SMARCA1: variants seen among roughly 807,000 people sequenced by gnomAD.
SMARCA1 encodes the protein SWI/SNF-related matrix-associated actin-dependent regulator of chromatin subfamily A member 1.
SMARCA1 carries 17 observed loss-of-function variants against 93.6 expected under a neutral mutation model. The ratio of observed to expected loss-of-function variants is 0.18; its 90% CI spans 0.12 to 0.27. SMARCA1 has a LOEUF of 0.27. SMARCA1 is among the 10% of genes least tolerant of loss of function. The pLI, the probability that SMARCA1 is intolerant of heterozygous loss-of-function variation, is 1.00. For missense variants in SMARCA1, 630 were observed against 819.0 expected, an observed-to-expected ratio of 0.77 and a Z score of 2.82; for synonymous variants, 271 against 271.4, an observed-to-expected ratio of 1.00 and a Z score of 0.01.
intron 19 of SMARCA1, 33 bp downstream of exon 19, chrX:129,480,663 GATTAT>G (rs759493542): frequency 1.3e-4 from 79 of 586,575 alleles, no homozygotes; most frequent in Middle Eastern, 5.8e-4. Context: ...TATTTTTAAA[GATTAT>G]ATTATATTAA....
chrX:129,503,114 A>G (rs146581400), intron 9 of SMARCA1, among the ~76,000 whole-genome samples: 2,041 of 111,401 alleles, frequency 0.018, 42 homozygotes, highest in African/African-American at 0.063. Flanking sequence ...GATGAGGGAG[A>G]AGGAGGGCAG....
At chrX:129,448,906 A>G (rs1350489848) in intron 23 of SMARCA1, among the ~76,000 whole-genome samples, 1 of 109,653 alleles carries the variant, frequency 9.1e-6, no homozygotes, top group African/African-American at 3.3e-5. Flanking sequence ...AGATAGCACA[A>G]TGGAGTCTTA....
intron 12 of SMARCA1, among the ~76,000 whole-genome samples, chrX:129,494,762 T>C (rs1934259025): frequency 8.9e-6 from 1 of 112,037 alleles, no homozygotes; most frequent in Non-Finnish European, 1.9e-5. Flanking sequence ...GTTGTTACTA[T>C]CCTTAGAATT....
At chrX:129,466,403 C>A (rs1279613521) in intron 21 of SMARCA1, among the ~76,000 whole-genome samples, 3 of 111,545 alleles carry the variant, frequency 2.7e-5, no homozygotes, top group Non-Finnish European at 5.7e-5. Flanking sequence ...CACTGTAATC[C>A]CAGCACTTTG....
intron 7 of SMARCA1, among the ~76,000 whole-genome samples, chrX:129,506,715 G>GAA (rs1934830266): frequency 1.8e-5 from 1 of 55,729 alleles, no homozygotes; most frequent in African/African-American, 7.6e-5. Flanking sequence ...AAAAAAAAAA[G>GAA]GAAGAAGAAT....
At chrX:129,468,140 C>T (rs952877895) in intron 21 of SMARCA1, among the ~76,000 whole-genome samples, 1 of 112,745 alleles carries the variant, frequency 8.9e-6, no homozygotes, top group Non-Finnish European at 1.9e-5. Flanking sequence ...TTACAATACC[C>T]TTTATAATAA....
chrX:129,504,831 G>A (rs1217987810), intron 8 of SMARCA1, 29 bp from the exon 9 acceptor site: 5 of 977,557 alleles, frequency 5.1e-6, no homozygotes, highest in South Asian at 4.0e-5. Flanking sequence ...TCTCCAATGA[G>A]TGCACAGTTT....
rs773236447 is a variant in SMARCA1 at position 129,508,074 on chromosome X, A to G, written c.833T>C (p.Met278Thr). 8.5e-7 allele frequency: 1 copy of G among 1,169,913 alleles called. No individual in the cohort carries two copies. Among genetic ancestry groups the G allele is most frequent in the Non-Finnish European group, 1.1e-6 (1 of 872,025 alleles). Reference sequence around the variant, plus strand: ...GCAAACATCCCACTCTCCTGGCATCATTTCATCACGAATAAAAGCAGCCTA... The same window carrying G: ...GCAAACATCCCACTCTCCTGGCATCGTTTCATCACGAATAAAAGCAGCCTA... ...DARAAFIRDE[M>T]MPGEWDVCVT... is the part of the protein sequence containing the mutation. Residue 278 changes from methionine to threonine, a missense_variant, in exon 7 of 25, where the codon ATG (methionine) becomes ACG (threonine). By Grantham distance (81) the Met-to-Thr change is moderately conservative. Around this residue, in one of 4 missense-constraint regions of SMARCA1, gnomAD observed 382 missense variants for 537.9 expected, o/e 0.71. Coordinates refer to ENST00000371121, the MANE Select transcript of SMARCA1 (RefSeq NM_001282874.2).
At chrX:129,517,481 T>C (rs752977044) in intron 2 of SMARCA1, among the ~76,000 whole-genome samples, 1 of 111,063 alleles carries the variant, frequency 9.0e-6, no homozygotes, top group South Asian at 3.8e-4. Flanking sequence ...GTTAGATAAA[T>C]TCAGACTACA....
At position 129,506,161 on chromosome X, in the gene SMARCA1, A is replaced by G. The variant is rs1934801933; in HGVS notation, c.1017T>C (p.Thr339=). The G allele has an allele frequency of 7.5e-6, 9 of 1,194,241 alleles. No homozygotes were observed. Among genetic ancestry groups the G allele is most frequent in the Admixed American group, 2.2e-5 (1 of 45,700 alleles). Residue 339 remains threonine (T), a synonymous_variant, in exon 8 of 25, where the codon ACT becomes ACC. Coordinates refer to ENST00000371121, the MANE Select transcript of SMARCA1 (RefSeq NM_001282874.2). ...GCAGGTTATTCTGCAAAGGTGTTCC[A>G]GTTAGGAGCAAGCGGTTAGTCGACT... ...EFKSTNRLLL[T]GTPLQNNLHE... is the part of the protein sequence containing the mutation.
At chrX:129,471,162 A>G (rs933677081) in intron 20 of SMARCA1, 42 bp downstream of exon 20, 4 of 1,093,394 alleles carry the variant, frequency 3.7e-6, no homozygotes, top group Admixed American at 2.8e-5. Context: ...CTTTTTTTCT[A>G]TTGATTGACT....
intron 17 of SMARCA1, among the ~76,000 whole-genome samples, chrX:129,486,572 AACTTT>A (rs1736577215): frequency 9.0e-6 from 1 of 111,535 alleles, no homozygotes; most frequent in South Asian, 3.8e-4. Flanking sequence ...TTATTCTAAT[AACTTT>A]ATGAGTATTA....
chrX:129,499,679 T>G, intron 10 of SMARCA1, 53 bp downstream of exon 10: 1 of 678,750 alleles, frequency 1.5e-6, no homozygotes. Flanking sequence ...CAAAGCTAAT[T>G]TTTAGTAAAT....
rs1933115986 is a variant in SMARCA1, at chrX:129,471,370, T to G, written c.2443-44A>C. 4.1e-6 allele frequency: 4 copies of G among 978,438 alleles called. No individual in the cohort carries two copies. The African/African-American group carries it at 7.7e-5, about 19-fold the overall frequency. 80.6% of individuals were successfully genotyped at this position (978,438 alleles called of 1,213,427 possible). On this transcript the variant is annotated intron_variant, in intron 19 of 24. Coordinates refer to ENST00000371121, the MANE Select transcript of SMARCA1 (RefSeq NM_001282874.2). ...ACTAAGAGTAAACTGATGAGAAAAATTAATTACTAAGGCTGTATATACACA... is the reference window on the plus strand; with the variant it reads ...ACTAAGAGTAAACTGATGAGAAAAAGTAATTACTAAGGCTGTATATACACA...
chrX:129,510,081 A>C (rs775905641), intron 6 of SMARCA1, among the ~76,000 whole-genome samples: 5 of 112,327 alleles, frequency 4.5e-5, no homozygotes, highest in African/African-American at 1.6e-4. Context: ...AGTGCTGAAC[A>C]TGGTACACTT....
intron 9 of SMARCA1, among the ~76,000 whole-genome samples, chrX:129,500,633 T>C (rs931017964): frequency 8.9e-6 from 1 of 112,894 alleles, no homozygotes; most frequent in Non-Finnish European, 1.9e-5. Context: ...ATCATTGTGC[T>C]AAGATCATAG....
At chrX:129,488,684 T>C (rs1468200334) in intron 16 of SMARCA1, among the ~76,000 whole-genome samples, 1 of 108,086 alleles carries the variant, frequency 9.3e-6, no homozygotes, top group African/African-American at 3.4e-5. Flanking sequence ...CTTTTAGATA[T>C]AGTATTTTCA....
Position 129,447,119 on chromosome X carries a change from CA to C in SMARCA1, c.*42del. Reference sequence around the variant, plus strand: ...GGCAATTAGCATTTGAAGATGGGAACAAGAAAATAGCAGTTTCCCATTTAAA... The same window carrying C: ...GGCAATTAGCATTTGAAGATGGGAACAGAAAATAGCAGTTTCCCATTTAAA... On this transcript the variant is annotated 3_prime_UTR_variant, in exon 25 of 25. Coordinates refer to ENST00000371121, the MANE Select transcript of SMARCA1 (RefSeq NM_001282874.2). 1 of 1,070,695 alleles carries C rather than the reference CA, an allele frequency of 9.3e-7. No homozygotes were observed. Among genetic ancestry groups the C allele is most frequent in the Non-Finnish European group, 1.2e-6 (1 of 800,285 alleles). 88.2% of individuals were successfully genotyped at this position (1,070,695 alleles called of 1,213,427 possible).
intron 19 of SMARCA1, among the ~76,000 whole-genome samples, chrX:129,472,060 G>A (rs1933149915): frequency 9.0e-6 from 1 of 111,719 alleles, no homozygotes. Flanking sequence ...CTCCAAGAAA[G>A]CAAGTTGTCA....
Sources: gnomAD v4.1 joint callset for allele counts (sites outside exome capture counted in the v4.1 genomes callset) on GRCh38, gnomAD v4.1.1 for gene constraint, gnomAD v4.1.1 regional missense constraint, MANE v1.5 for transcripts, NCBI Gene and HGNC (gene_info 2026-07-23, HGNC 2026-07-21) for gene names.